The following EFR3A variants were observed in gnomAD, a reference collection of about 807,000 sequenced individuals.
EFR3A encodes EFR3 homolog A.
EFR3A carries 76 observed loss-of-function variants against 104.4 expected under a neutral mutation model. The observed-to-expected ratio is 0.73, with a 90% CI of 0.60 to 0.88. The LOEUF (loss-of-function observed/expected upper bound fraction) is 0.88. Among genes scored for constraint, EFR3A ranks in the 40% least tolerant of loss-of-function variants. The pLI is 0.00. For missense variants in EFR3A, 985 were observed against 1,012.5 expected (o/e 0.97, Z 0.37); for synonymous variants, 330 against 330.0 (o/e 1.00, Z 0.00).
chr8:131,959,702 A>G, intron 8 of EFR3A, 39 bp downstream of exon 8: 1 of 1,511,170 alleles, frequency 6.6e-7, no homozygotes, highest in Non-Finnish European at 9.0e-7. Flanking sequence ...TTATATAAGT[A>G]ATTTTGGTTC....
chr8:131,909,088 G>A (rs369346559), intron 1 of EFR3A, among the ~76,000 whole-genome samples: 5 of 152,164 alleles, frequency 3.3e-5, no homozygotes, highest in South Asian at 2.1e-4. Flanking sequence ...AACTTACTCC[G>A]TCTAACTGTA....
Position 131,953,737 on chromosome 8 carries a change from C to T in EFR3A, c.489-81C>T, listed in dbSNP as rs969928240. 1.7e-5 allele frequency: 21 copies of T among 1,221,196 alleles called. No individual in the cohort carries two copies. The African/African-American group carries it at 3.1e-4, about 18-fold the overall frequency. 75.6% of individuals were successfully genotyped at this position (1,221,196 alleles called of 1,614,324 possible). On this transcript the variant is annotated intron_variant, in intron 5 of 22. Transcript: ENST00000254624. ...TAAGATAACAGTATTTACTTGATAT[C>T]CATTCTCTTAGCTACGCAAACAGTC... is the stretch of plus-strand genomic sequence containing the variant.
At chr8:131,916,015 G>C (rs1401894072) in intron 1 of EFR3A, among the ~76,000 whole-genome samples, 1 of 152,144 alleles carries the variant, frequency 6.6e-6, no homozygotes, top group Non-Finnish European at 1.5e-5. Flanking sequence ...AAGGTGCTCA[G>C]CACGTAGTTA....
At chr8:131,912,765 A>G (rs1816567444) in intron 1 of EFR3A, among the ~76,000 whole-genome samples, 1 of 152,212 alleles carries the variant, frequency 6.6e-6, no homozygotes, top group Non-Finnish European at 1.5e-5. Flanking sequence ...AAACCTTGAA[A>G]TGACATGTTA....
At chr8:131,905,403 AT>A (rs1382417708) in intron 1 of EFR3A, among the ~76,000 whole-genome samples, 3 of 152,128 alleles carry the variant, frequency 2.0e-5, no homozygotes, top group South Asian at 2.1e-4. Flanking sequence ...AAAGATTGAT[AT>A]TTTCCTGATA....
In EFR3A at chr8:131,996,406, A is replaced by G. The variant is rs774764223; in HGVS notation, c.2066A>G (p.Asp689Gly). The change falls in exon 19 of 23, where the codon GAT becomes GGT. Residue 689 changes from aspartate to glycine, a missense_variant and splice_region_variant. Physicochemically the swap from Asp to Gly is moderately conservative, Grantham distance 94. Coordinates refer to ENST00000254624, the MANE Select transcript of EFR3A (RefSeq NM_015137.6). ...LSVPYVPQVT[D>G]EDRLSRRKSI... ...TGGGAAGAAAACAATTTTATTTTAG[A>G]TGAAGATCGACTTTCTAGAAGAAAA... The G allele has an allele frequency of 1.9e-6, 3 of 1,566,468 alleles. No individual in the cohort carries two copies. Among genetic ancestry groups the G allele is most frequent in the East Asian group, 4.5e-5 (2 of 44,012 alleles).
At chr8:131,953,636 A>G (rs7842682) in intron 5 of EFR3A, among the ~76,000 whole-genome samples, 182 bp from the exon 6 acceptor site, 134,189 of 152,120 alleles carry the variant, frequency 0.88, 59,476 homozygotes, top group African/African-American at 0.97. Context: ...GCCTTTTTGC[A>G]GCACATCTCC....
At chr8:131,951,239 A>G (rs1026672036) in intron 5 of EFR3A, among the ~76,000 whole-genome samples, 3 of 152,056 alleles carry the variant, frequency 2.0e-5, no homozygotes, top group African/African-American at 7.2e-5. Flanking sequence ...CAGGTATAAG[A>G]TTTGTTTTTG....
At chr8:131,952,621 A>G (rs1410823061) in intron 5 of EFR3A, among the ~76,000 whole-genome samples, 4 of 152,146 alleles carry the variant, frequency 2.6e-5, no homozygotes, top group Admixed American at 2.6e-4. Context: ...CTTGTGTAGG[A>G]ATGTTAGGCT....
intron 10 of EFR3A, among the ~76,000 whole-genome samples, chr8:131,974,918 A>G (rs1820244251): frequency 6.6e-6 from 1 of 152,238 alleles, no homozygotes; most frequent in South Asian, 2.1e-4. Context: ...CTTAAAAAAT[A>G]CTAAAAATGC....
chr8:131,973,774 G>A (rs1410159751), intron 10 of EFR3A, among the ~76,000 whole-genome samples: 2 of 151,980 alleles, frequency 1.3e-5, no homozygotes, highest in Non-Finnish European at 2.9e-5. Context: ...TACCTGCTGT[G>A]TTCTTTTCTT....
intron 8 of EFR3A, among the ~76,000 whole-genome samples, chr8:131,960,295 A>T (rs1275114852): frequency 1.3e-5 from 2 of 152,156 alleles, no homozygotes; most frequent in African/African-American, 2.4e-5. Flanking sequence ...TTCCAACAAA[A>T]TGCAGATCCT....
rs370171637 is a variant in EFR3A, at chr8:131,955,781, CCTT to C, written c.658_660del (p.Ser220del). 1.2e-4 allele frequency: 189 copies of C among 1,612,912 alleles called. 1 individual carries two copies. The highest frequency in any genetic ancestry group is 6.4e-4 in the South Asian group (58 of 90,954). ...GTTCCTTTTTAGTCGCATAGGCCCT[CCTT>C]CTTCTCCTTCTGCAACTGACAAAGA... On this transcript the variant is annotated inframe_deletion, in exon 7 of 23. Coordinates refer to ENST00000254624, the MANE Select transcript of EFR3A (RefSeq NM_015137.6).
In EFR3A at chr8:131,976,164, T is replaced by A. The variant is rs139462357; in HGVS notation, c.1274+23T>A. On this transcript the variant is annotated intron_variant, in intron 11 of 22. Coordinates refer to ENST00000254624, the MANE Select transcript of EFR3A (RefSeq NM_015137.6). ...AGGGTATGTTCTCAGACTGTAAATT[T>A]GAACTTAATCTTGAGTTACATTTTA... 2,260 of 1,397,298 alleles carry A rather than the reference T, an allele frequency of 1.6e-3. 20 individuals are homozygous for A. The African/African-American group carries it at 0.025, about 16-fold the overall frequency. The allele number at this position is 1,397,298 out of a possible 1,614,324, so 86.6% of individuals were successfully genotyped here.
Position 132,011,062 on chromosome 8 carries a change from T to C in EFR3A, c.*167T>C, listed in dbSNP as rs1446196309. 2.4e-6 allele frequency: 3 copies of C among 1,270,420 alleles called. No individual in the cohort carries two copies. The highest frequency in any genetic ancestry group is 3.0e-6 in the Non-Finnish European group (3 of 1,002,468). 78.7% of individuals were successfully genotyped at this position (1,270,420 alleles called of 1,614,324 possible). A position where few individuals can be genotyped will look rare whatever the true frequency, so the allele number is the denominator to read the frequency against. ...CCATATTAGAAGTTTTGGAGCTATATATAATTTCGAGTACTTTCAAAGATA... is the reference window on the plus strand; with the variant it reads ...CCATATTAGAAGTTTTGGAGCTATACATAATTTCGAGTACTTTCAAAGATA... On this transcript the variant is annotated 3_prime_UTR_variant, in exon 23 of 23. Transcript: ENST00000254624.
intron 9 of EFR3A, 90 bp from the exon 10 acceptor site, chr8:131,970,386 A>G: frequency 3.3e-6 from 4 of 1,229,138 alleles, no homozygotes; most frequent in Non-Finnish European, 1.1e-6. Context: ...TTAGAAAATT[A>G]CAGAAACAAT....
intron 1 of EFR3A, among the ~76,000 whole-genome samples, chr8:131,917,005 A>T (rs1586527625): frequency 1.3e-5 from 2 of 152,206 alleles, no homozygotes; most frequent in African/African-American, 4.8e-5. Context: ...TGTAAACTGT[A>T]AATTGTGCAG....
intron 8 of EFR3A, among the ~76,000 whole-genome samples, chr8:131,965,727 T>C (rs533543397): frequency 4.6e-5 from 7 of 151,966 alleles, no homozygotes; most frequent in African/African-American, 1.7e-4. Context: ...ACCCAAAGGA[T>C]TGTAAATCAT....
chr8:131,936,778 G>A (rs1490345753), intron 1 of EFR3A, among the ~76,000 whole-genome samples: 2 of 152,076 alleles, frequency 1.3e-5, no homozygotes, highest in East Asian at 3.9e-4. Flanking sequence ...TCCAAGTATG[G>A]GAGAAGGAGT....
Sources: gnomAD v4.1 joint callset for allele counts (sites outside exome capture counted in the v4.1 genomes callset) on GRCh38, gnomAD v4.1.1 for gene constraint, MANE v1.5 for transcripts, NCBI Gene and HGNC (gene_info 2026-07-23, HGNC 2026-07-21) for gene names.